The following RSBN1 variants were observed in gnomAD, a reference collection of about 807,000 sequenced individuals.
RSBN1 encodes lysine-specific demethylase 9.
Under a neutral mutation model 74.8 loss-of-function variants are expected in RSBN1, and 23 were observed. The ratio of observed to expected loss-of-function variants is 0.31; its 90% CI spans 0.22 to 0.44. RSBN1 has a LOEUF of 0.44. Among genes scored for constraint, RSBN1 ranks in the 20% least tolerant of loss-of-function variants. The pLI is 1.00. For missense variants in RSBN1, 808 were observed against 1,020.9 expected, an observed-to-expected ratio of 0.79 and a Z score of 2.84; for synonymous variants, 407 against 379.6, an observed-to-expected ratio of 1.07 and a Z score of -0.84.
intron 2 of RSBN1, among the ~76,000 whole-genome samples, chr1:113,788,250 C>A (rs930917725): frequency 1.3e-5 from 2 of 151,490 alleles, no homozygotes; most frequent in African/African-American, 4.8e-5. Flanking sequence ...GCCTAATATA[C>A]AATTAATAAA....
At chr1:113,775,365 T>C (rs1307161969) in intron 4 of RSBN1, among the ~76,000 whole-genome samples, 1 of 150,404 alleles carries the variant, frequency 6.6e-6, no homozygotes, top group Non-Finnish European at 1.5e-5. Context: ...CTTTTTGAGA[T>C]GAGTCTTACT....
Position 113,764,237 on chromosome 1 carries a change from A to G in RSBN1, c.*1743T>C, listed in dbSNP as rs971135860. On this transcript the variant is annotated 3_prime_UTR_variant, in exon 7 of 7. Transcript: ENST00000261441. ...CCCTGCAATAATCACATTACCTTTC[A>G]TACCATTCTAATTACCTTATTTACA... is the stretch of plus-strand genomic sequence containing the variant. The G allele has an allele frequency of 1.3e-5, 2 of 152,774 alleles. No homozygotes were observed. The highest frequency in any genetic ancestry group is 1.3e-4 in the Admixed American group (2 of 15,278). The allele number at this position is 152,774 out of a possible 1,614,324, so 9.5% of individuals were successfully genotyped here.
intron 2 of RSBN1, among the ~76,000 whole-genome samples, chr1:113,778,547 G>A (rs138704434): frequency 0.016 from 2,498 of 151,994 alleles, 31 homozygotes; most frequent in Non-Finnish European, 0.025. Flanking sequence ...TGATCCACCC[G>A]CCTTGGCCTC....
intron 4 of RSBN1, among the ~76,000 whole-genome samples, chr1:113,774,887 G>T (rs1344255193): frequency 6.6e-6 from 1 of 152,068 alleles, no homozygotes; most frequent in African/African-American, 2.4e-5. Flanking sequence ...CCAAGAATTG[G>T]TTAAATAAAT....
At chr1:113,779,885 G>C (rs1557997515) in intron 2 of RSBN1, among the ~76,000 whole-genome samples, 1 of 152,102 alleles carries the variant, frequency 6.6e-6, no homozygotes, top group Non-Finnish European at 1.5e-5. Flanking sequence ...GCCAGGCACG[G>C]TGGTGCATGC....
rs1660868740 is a variant in RSBN1 at position 113,811,986 on chromosome 1, G to A, written c.427C>T (p.Leu143=). Residue 143 remains leucine, a synonymous_variant, in exon 1 of 7, where the codon CTG becomes TTG. Transcript: ENST00000261441. The part of the protein sequence containing the change: ...TVPGPVEPLL[L]PPPPPPSLAP... ...AGCGAAGGTGGCGGCGGAGGCGGCAGGAGAAGAGGCTCAACAGGGCCTGGG... is the reference window on the plus strand; with the variant it reads ...AGCGAAGGTGGCGGCGGAGGCGGCAAGAGAAGAGGCTCAACAGGGCCTGGG... 1.3e-6 allele frequency: 2 copies of A among 1,561,600 alleles called. No homozygotes were observed. The highest frequency in any genetic ancestry group is 3.9e-5 in the Admixed American group (2 of 51,870).
At chr1:113,799,998 T>G (rs1231890239) in intron 1 of RSBN1, among the ~76,000 whole-genome samples, 1 of 152,152 alleles carries the variant, frequency 6.6e-6, no homozygotes, top group African/African-American at 2.4e-5. Flanking sequence ...AATCCTATTT[T>G]TACATCTAGA....
chr1:113,791,396 C>T (rs1162802654), intron 2 of RSBN1, among the ~76,000 whole-genome samples: 4 of 152,094 alleles, frequency 2.6e-5, no homozygotes, highest in Non-Finnish European at 5.9e-5. Context: ...ATTAAGTAAG[C>T]TCAACTGTGT....
intron 2 of RSBN1, among the ~76,000 whole-genome samples, chr1:113,792,845 G>T (rs1660393106): frequency 6.6e-6 from 1 of 152,006 alleles, no homozygotes. Context: ...GGGAAGGGAG[G>T]AAGGAAGGAA....
intron 1 of RSBN1, among the ~76,000 whole-genome samples, chr1:113,805,696 ATT>A (rs1308541406): frequency 6.6e-6 from 1 of 152,170 alleles, no homozygotes; most frequent in Non-Finnish European, 1.5e-5. Context: ...TACAGATTAA[ATT>A]TTTGTTTCAA....
Position 113,812,370 on chromosome 1 carries a change from C to G in RSBN1, c.43G>C (p.Glu15Gln), listed in dbSNP as rs760370960. 3 of 1,602,638 alleles carry G rather than the reference C, an allele frequency of 1.9e-6. No homozygotes were observed. The highest frequency in any genetic ancestry group is 2.5e-6 in the Non-Finnish European group (3 of 1,179,214). ...CCCGCTGGGCATTGGAGTCTCTCCT[C>G]CGCCCTCCACTTGTCGGCCGTTCTT... ...GRRTADKWRA[E>Q]ERLQCPAGSA... is the part of the protein sequence containing the mutation. Residue 15 changes from glutamate to glutamine, a missense_variant, in exon 1 of 7, where the codon GAG becomes CAG. Physicochemically the swap from Glu to Gln is conservative, Grantham distance 29 (BLOSUM62 2). Transcript: ENST00000261441.
At chr1:113,768,847 T>C (rs370946063) in intron 4 of RSBN1, among the ~76,000 whole-genome samples, 31 of 152,048 alleles carry the variant, frequency 2.0e-4, no homozygotes, top group African/African-American at 7.5e-4. Context: ...CAGGTAACAC[T>C]AGATACTGAC....
At chr1:113,768,927 A>T (rs2797410) in intron 4 of RSBN1, among the ~76,000 whole-genome samples, 18,936 of 150,650 alleles carry the variant, frequency 0.13, 1,528 homozygotes, top group African/African-American at 0.23. Context: ...TGAAAAAAAA[A>T]ATATATATAT....
At chr1:113,789,839 C>G (rs538537588) in intron 2 of RSBN1, among the ~76,000 whole-genome samples, 2 of 152,136 alleles carry the variant, frequency 1.3e-5, no homozygotes, top group South Asian at 2.1e-4. Context: ...AGCTGCCCAA[C>G]AAAATACCAA....
At position 113,763,953 on chromosome 1, in the gene RSBN1, A is replaced by AT. The variant is rs978460501; in HGVS notation, c.*2026dup. 1.1e-4 allele frequency: 17 copies of AT among 152,104 alleles called. No individual in the cohort carries two copies. The highest frequency in any genetic ancestry group is 4.2e-4 in the South Asian group (2 of 4,812). The allele number at this position is 152,104 out of a possible 1,614,324, so 9.4% of individuals were successfully genotyped here. A position where few individuals can be genotyped will look rare whatever the true frequency, so the allele number is the denominator to read the frequency against. On this transcript the variant is annotated 3_prime_UTR_variant, in exon 7 of 7. Transcript: ENST00000261441. ...GACAAGAAAAAATTAAAAAAAAAAAATTTTTGCTTTAACAGCCTTCTCTTC... is the reference window on the plus strand; with the variant it reads ...GACAAGAAAAAATTAAAAAAAAAAAATTTTTTGCTTTAACAGCCTTCTCTTC...
At chr1:113,779,220 C>T (rs910750521) in intron 2 of RSBN1, among the ~76,000 whole-genome samples, 3 of 152,092 alleles carry the variant, frequency 2.0e-5, no homozygotes, top group Admixed American at 1.3e-4. Flanking sequence ...TTAAATACCA[C>T]CTATTTTGCC....
chr1:113,786,866 AT>A (rs1390037827), intron 2 of RSBN1, among the ~76,000 whole-genome samples: 1 of 152,056 alleles, frequency 6.6e-6, no homozygotes, highest in Admixed American at 6.6e-5. Flanking sequence ...CTATTTCTAA[AT>A]TTTCTATCTT....
In RSBN1 at chr1:113,762,286, A is replaced by G. The variant is rs1022987879; in HGVS notation, c.*3694T>C. The G allele has an allele frequency of 1.3e-5, 2 of 152,778 alleles. No homozygotes were observed. The highest frequency in any genetic ancestry group is 2.9e-5 in the Non-Finnish European group (2 of 68,022). 9.5% of individuals were successfully genotyped at this position (152,778 alleles called of 1,614,324 possible). A position where few individuals can be genotyped will look rare whatever the true frequency, so the allele number is the denominator to read the frequency against. On this transcript the variant is annotated 3_prime_UTR_variant, in exon 7 of 7. Coordinates refer to ENST00000261441, the MANE Select transcript of RSBN1 (RefSeq NM_018364.5). ...ATTTTAAGAGACAGTGGTCTCAACT[A>G]CATGCACAAGTGGATCCTAAAAAAT...
chr1:113,797,925 T>A lies in RSBN1; in HGVS notation c.815A>T (p.Lys272Ile), dbSNP rs767653838. ...HREDMRGRRLKMYNKEVQTVC... is the reference protein window; with the variant it reads ...HREDMRGRRLIMYNKEVQTVC... ...GGTTTGTACTTCCTTATTGTACATT[T>A]TAAGGCGTCTTCCTCGCATGTCTTC... is the stretch of plus-strand genomic sequence containing the variant. The change falls in exon 2 of 7, where the codon AAA (lysine) becomes ATA (isoleucine). Residue 272 changes from lysine to isoleucine, a missense_variant. This residue lies in a region of RSBN1 where 464 missense variants were observed against 401.0 expected (regional missense o/e 1.16). Transcript: ENST00000261441. The A allele has an allele frequency of 6.2e-7, 1 of 1,614,030 alleles. No individual in the cohort carries two copies. The highest frequency in any genetic ancestry group is 1.1e-5 in the South Asian group (1 of 91,062).
Sources: gnomAD v4.1 joint callset for allele counts (sites outside exome capture counted in the v4.1 genomes callset) on GRCh38, gnomAD v4.1.1 for gene constraint, gnomAD v4.1.1 regional missense constraint, MANE v1.5 for transcripts, NCBI Gene and HGNC (gene_info 2026-07-23, HGNC 2026-07-21) for gene names.